PDGFRL: variants seen among roughly 807,000 people sequenced by gnomAD.
PDGFRL encodes platelet derived growth factor receptor like, also known as platelet-derived growth factor receptor-like protein.
A neutral mutation model predicts 37.2 loss-of-function variants in PDGFRL; 46 were observed. The ratio of observed to expected loss-of-function variants is 1.24; its 90% confidence interval spans 0.98 to 1.58. The LOEUF is 1.58. PDGFRL is among the 40% of genes most tolerant of loss of function. The pLI, the probability that PDGFRL is intolerant of heterozygous loss-of-function variation, is 0.00. For missense variants in PDGFRL, 692 were observed against 467.6 expected, an observed-to-expected ratio of 1.48 and a Z score of -4.43; for synonymous variants, 251 against 184.3, an observed-to-expected ratio of 1.36 and a Z score of -2.93.
chr8:17,614,307 G>A (rs1166518578), intron 2 of PDGFRL, among the ~76,000 whole-genome samples: 4 of 152,024 alleles, frequency 2.6e-5, no homozygotes, highest in Non-Finnish European at 5.9e-5. Context: ...AACAGTGACA[G>A]TTTCAGTATG....
At chr8:17,641,113 C>T (rs1381689042) in intron 5 of PDGFRL, among the ~76,000 whole-genome samples, 1 of 152,182 alleles carries the variant, frequency 6.6e-6, no homozygotes, top group Non-Finnish European at 1.5e-5. Context: ...GCCGGTCTCA[C>T]TCCCTCTGTC....
Position 17,599,345 on chromosome 8 carries a change from C to G in PDGFRL, c.353+9580C>G, listed in dbSNP as rs145450641. 9.8e-5 allele frequency among the ~76,000 whole-genome samples: 15 copies of G among 152,290 alleles called. No individual in the cohort carries two copies. In the East Asian group the frequency reaches 2.9e-3, roughly 29 times the overall value. On this transcript the variant is annotated intron_variant, in intron 2 of 5. Transcript: ENST00000251630. Reference sequence around the variant, plus strand: ...TAAAGTCCATTGTATCATTCTTACGCCTTTGTGTCCTCACAGCTTAGCTCC... The same window carrying G: ...TAAAGTCCATTGTATCATTCTTACGGCTTTGTGTCCTCACAGCTTAGCTCC...
chr8:17,637,140 C>G (rs1804987438), intron 5 of PDGFRL, among the ~76,000 whole-genome samples: 1 of 152,148 alleles, frequency 6.6e-6, no homozygotes, highest in Non-Finnish European at 1.5e-5. Flanking sequence ...GCGAGGACTT[C>G]CAGTACTATG....
chr8:17,586,307 T>G (rs1803815540), intron 1 of PDGFRL, among the ~76,000 whole-genome samples: 1 of 152,148 alleles, frequency 6.6e-6, no homozygotes. Flanking sequence ...GTGTGTGCCT[T>G]GGAAAAGCAC....
At position 17,586,837 on chromosome 8, in the gene PDGFRL, A is replaced by G. The variant is rs531431853; in HGVS notation, c.56-2631A>G. On this transcript the variant is annotated intron_variant, in intron 1 of 5. Transcript: ENST00000251630. ...AGAGGGCAAGTAGCTTCCCAAGGTC[A>G]CACAGCCAGTAAGTGGCAGGCCTGG... 2.8e-4 allele frequency among the ~76,000 whole-genome samples: 43 copies of G among 152,342 alleles called. No individual in the cohort carries two copies. In the South Asian group the frequency reaches 8.3e-3, roughly 29 times the overall value.
At chr8:17,589,258 C>T (rs551161967) in intron 1 of PDGFRL, among the ~76,000 whole-genome samples, 1 of 151,922 alleles carries the variant, frequency 6.6e-6, no homozygotes, top group Non-Finnish European at 1.5e-5. Flanking sequence ...TGGCGGCGGG[C>T]ACCTGTAATC....
chr8:17,637,122 T>C (rs773692348), intron 5 of PDGFRL, among the ~76,000 whole-genome samples: 2 of 152,214 alleles, frequency 1.3e-5, no homozygotes, highest in East Asian at 1.9e-4. Flanking sequence ...TCTTGTCTGA[T>C]TGCTCTGGCG....
At chr8:17,583,017 G>A (rs1394595935) in intron 1 of PDGFRL, among the ~76,000 whole-genome samples, 1 of 152,138 alleles carries the variant, frequency 6.6e-6, no homozygotes, top group African/African-American at 2.4e-5. Context: ...AGCAGAAGAG[G>A]CCAATAAGCA....
At chr8:17,579,918 A>T (rs1301501392) in intron 1 of PDGFRL, among the ~76,000 whole-genome samples, 1 of 152,192 alleles carries the variant, frequency 6.6e-6, no homozygotes, top group East Asian at 1.9e-4. Flanking sequence ...GATGTCAATC[A>T]TAGCACCTGA....
intron 4 of PDGFRL, among the ~76,000 whole-genome samples, chr8:17,629,514 T>C (rs1454298150): frequency 6.6e-6 from 1 of 152,188 alleles, no homozygotes; most frequent in Non-Finnish European, 1.5e-5. Context: ...CATTGCCACC[T>C]GCCAACCCTC....
At chr8:17,627,038 A>T (rs1420588268) in intron 3 of PDGFRL, among the ~76,000 whole-genome samples, 1 of 152,136 alleles carries the variant, frequency 6.6e-6, no homozygotes, top group Non-Finnish European at 1.5e-5. Flanking sequence ...CAGGCGCCAG[A>T]TCCTCTGGGC....
intron 1 of PDGFRL, among the ~76,000 whole-genome samples, chr8:17,580,081 A>G (rs904597190): frequency 1.3e-5 from 2 of 152,184 alleles, no homozygotes; most frequent in Admixed American, 1.3e-4. Context: ...AAGTGTTAAT[A>G]TTGATTTGTG....
At chr8:17,634,020 G>C in intron 4 of PDGFRL, 54 bp from the exon 5 acceptor site, 4 of 1,582,466 alleles carry the variant, frequency 2.5e-6, no homozygotes, top group Non-Finnish European at 3.5e-6. Context: ...CTGTAGGTTT[G>C]TTTTCAAGGT....
intron 1 of PDGFRL, among the ~76,000 whole-genome samples, chr8:17,577,896 T>C (rs1046113859): frequency 6.6e-6 from 1 of 151,778 alleles, no homozygotes; most frequent in African/African-American, 2.4e-5. Flanking sequence ...CCACGGCTTA[T>C]TATATTTATC....
At position 17,621,201 on chromosome 8, in the gene PDGFRL, A is replaced by G. The variant is rs1804624336; in HGVS notation, c.504A>G (p.Thr168=). The change falls in exon 3 of 6, where the codon ACA becomes ACG. Residue 168 remains threonine, a splice_region_variant and synonymous_variant. Coordinates refer to ENST00000251630, the MANE Select transcript of PDGFRL (RefSeq NM_001372073.1). The part of the protein sequence containing the change: ...AKTGSTYIFF[T]EKGELFVPSP... ...CGGGCTCCACCTACATCTTTTTTAC[A>G]GGTAAAATACTTGGTGCATTAATGG... 8 of 1,604,536 alleles carry G rather than the reference A, an allele frequency of 5.0e-6. No homozygotes were observed. Among genetic ancestry groups the G allele is most frequent in the Non-Finnish European group, 6.8e-6 (8 of 1,173,072 alleles).
intron 2 of PDGFRL, among the ~76,000 whole-genome samples, chr8:17,614,703 C>T (rs1253460930): frequency 6.6e-6 from 1 of 152,182 alleles, no homozygotes; most frequent in East Asian, 1.9e-4. Flanking sequence ...CTCAGCCTCC[C>T]AAGTAGCTGG....
chr8:17,622,100 G>C (rs547271925), intron 3 of PDGFRL, among the ~76,000 whole-genome samples: 32 of 152,320 alleles, frequency 2.1e-4, no homozygotes, highest in African/African-American at 6.5e-4. Context: ...AGGTCAGAGT[G>C]GAGAACTCTT....
Position 17,621,541 on chromosome 8 carries a change from A to G in PDGFRL, c.505+339A>G, listed in dbSNP as rs554002597. 8.5e-5 allele frequency among the ~76,000 whole-genome samples: 13 copies of G among 152,230 alleles called. No homozygotes were observed. The East Asian group carries it at 2.3e-3, about 27-fold the overall frequency. ...TCCAGGGTCTGTCCCTGCACTCCCC[A>G]ATACGGTGACCACTAAACATGTGTG... is the stretch of plus-strand genomic sequence containing the variant. On this transcript the variant is annotated intron_variant, in intron 3 of 5. Coordinates refer to ENST00000251630, the MANE Select transcript of PDGFRL (RefSeq NM_001372073.1).
intron 5 of PDGFRL, among the ~76,000 whole-genome samples, chr8:17,640,970 G>C (rs1447336244): frequency 6.6e-6 from 1 of 152,032 alleles, no homozygotes; most frequent in South Asian, 2.1e-4. Flanking sequence ...GGGACTGGCG[G>C]TGTGGTTCTC....
Sources: gnomAD v4.1 joint callset for allele counts (sites outside exome capture counted in the v4.1 genomes callset) on GRCh38, gnomAD v4.1.1 for gene constraint, MANE v1.5 for transcripts, NCBI Gene and HGNC (gene_info 2026-07-23, HGNC 2026-07-21) for gene names.